ABTB3: variants seen among roughly 807,000 people sequenced by gnomAD.
ABTB3 encodes the protein ankyrin repeat and BTB domain containing 3.
chr12:107,636,483 T>C, the ABTB3 span, among the ~76,000 whole-genome samples: 1 of 152,234 alleles, frequency 6.6e-6, no homozygotes, highest in South Asian at 2.1e-4. Context: ...TTCTACTCTT[T>C]AGCAAAATTT....
At chr12:107,620,273 G>A in the ABTB3 span, 63 of 1,386,322 alleles carry the variant, frequency 4.5e-5, no homozygotes, top group Admixed American at 1.8e-4. Context: ...GGATCACTAC[G>A]GTCATAGCGA....
the ABTB3 span, among the ~76,000 whole-genome samples, chr12:107,548,356 G>T: frequency 6.6e-6 from 1 of 152,128 alleles, no homozygotes; most frequent in Non-Finnish European, 1.5e-5. Context: ...CCCAACAGAC[G>T]GCCTGGGAAA....
the ABTB3 span, among the ~76,000 whole-genome samples, chr12:107,443,642 G>C: frequency 6.6e-6 from 1 of 152,202 alleles, no homozygotes; most frequent in East Asian, 1.9e-4. Flanking sequence ...CAAAGAGTCT[G>C]TAGTGCCTTG....
chr12:107,492,045 G>A, the ABTB3 span, among the ~76,000 whole-genome samples: 2 of 152,098 alleles, frequency 1.3e-5, no homozygotes, highest in African/African-American at 4.8e-5. Flanking sequence ...GTGAGCTAAA[G>A]TGTGGAGATC....
chr12:107,608,877 T>TATAAAATAAAATAAAA, the ABTB3 span, among the ~76,000 whole-genome samples: 42 of 90,372 alleles, frequency 4.6e-4, 1 homozygote, highest in African/African-American at 1.0e-3. Flanking sequence ...CCTCAAAAAT[T>TATAAAATAAAATAAAA]TAAAATAAAA....
At chr12:107,401,564 A>G in the ABTB3 span, among the ~76,000 whole-genome samples, 2 of 152,250 alleles carry the variant, frequency 1.3e-5, no homozygotes, top group African/African-American at 4.8e-5. Context: ...GAGTGCTCCC[A>G]TGATGCAAAA....
the ABTB3 span, among the ~76,000 whole-genome samples, chr12:107,654,464 A>G: frequency 1.3e-5 from 2 of 151,896 alleles, no homozygotes; most frequent in Non-Finnish European, 2.9e-5. Context: ...ATGCCTGGCT[A>G]ATTTTTGTAT....
At chr12:107,633,844 TCA>T in the ABTB3 span, among the ~76,000 whole-genome samples, 1 of 152,340 alleles carries the variant, frequency 6.6e-6, no homozygotes, top group East Asian at 1.9e-4. Flanking sequence ...TGCCTGGGCC[TCA>T]CTCCCAGGGT....
At chr12:107,659,074 TA>T in the ABTB3 span, 1 of 152,282 alleles carries the variant, frequency 6.6e-6, no homozygotes, top group Admixed American at 6.5e-5. Flanking sequence ...ATACATGCAG[TA>T]AAAACTAGGA....
the ABTB3 span, among the ~76,000 whole-genome samples, chr12:107,599,746 C>T: frequency 9.9e-5 from 15 of 151,938 alleles, no homozygotes; most frequent in East Asian, 2.5e-3. Flanking sequence ...AGTGCCTGGC[C>T]GATACTGGAG....
chr12:107,406,923 C>T, the ABTB3 span, among the ~76,000 whole-genome samples: 1 of 152,202 alleles, frequency 6.6e-6, no homozygotes, highest in Non-Finnish European at 1.5e-5. Flanking sequence ...GTCCCCTGAG[C>T]TTGGGCTCCG....
chr12:107,451,185 A>T, the ABTB3 span, among the ~76,000 whole-genome samples: 1 of 152,220 alleles, frequency 6.6e-6, no homozygotes, highest in African/African-American at 2.4e-5. Flanking sequence ...ACCATAGAGG[A>T]TGGATTTTCT....
chr12:107,510,139 C>T, the ABTB3 span, among the ~76,000 whole-genome samples: 2 of 152,166 alleles, frequency 1.3e-5, no homozygotes, highest in Non-Finnish European at 2.9e-5. Context: ...CGTCCGATGC[C>T]CATTCAAGGG....
At chr12:107,452,512 C>T in the ABTB3 span, among the ~76,000 whole-genome samples, 2,799 of 151,436 alleles carry the variant, frequency 0.018, 41 homozygotes, top group Non-Finnish European at 0.023. Flanking sequence ...GGCCATGAAA[C>T]TTACAGTGTC....
At chr12:107,345,548 G>T in the ABTB3 span, among the ~76,000 whole-genome samples, 1 of 152,180 alleles carries the variant, frequency 6.6e-6, no homozygotes, top group Non-Finnish European at 1.5e-5. Context: ...CCAGGGACAG[G>T]GTTGGCATCA....
the ABTB3 span, among the ~76,000 whole-genome samples, chr12:107,473,315 C>T: frequency 6.6e-5 from 10 of 152,120 alleles, no homozygotes; most frequent in East Asian, 1.9e-4. Context: ...CCATTTCCCA[C>T]GTGTAATGCT....
At chr12:107,659,084 G>A in the ABTB3 span, 1 of 152,228 alleles carries the variant, frequency 6.6e-6, no homozygotes, top group Non-Finnish European at 1.5e-5. Context: ...TAAAAACTAG[G>A]AGAATGACTT....
chr12:107,576,714 A>T, the ABTB3 span, among the ~76,000 whole-genome samples: 1 of 152,174 alleles, frequency 6.6e-6, no homozygotes, highest in East Asian at 1.9e-4. Flanking sequence ...TGTGAGATGA[A>T]TTCCTGAGCC....
At chr12:107,552,990 T>C in the ABTB3 span, among the ~76,000 whole-genome samples, 36 of 152,228 alleles carry the variant, frequency 2.4e-4, no homozygotes, top group Admixed American at 2.0e-3. Flanking sequence ...TGTTGCCGAA[T>C]CAACTCAGGC....
Sources: gnomAD v4.1 joint callset for allele counts (sites outside exome capture counted in the v4.1 genomes callset) on GRCh38, gnomAD v4.1.1 for gene constraint, MANE v1.5 for transcripts, NCBI Gene and HGNC (gene_info 2026-07-23, HGNC 2026-07-21) for gene names.